LRRTM4: variants seen among roughly 807,000 people sequenced by gnomAD.
LRRTM4 encodes the protein leucine-rich repeat transmembrane neuronal protein 4.
LRRTM4 carries 25 observed loss-of-function variants against 47.6 expected under a neutral mutation model. The ratio of observed to expected loss-of-function variants is 0.53; its 90% CI spans 0.38 to 0.73. The LOEUF is 0.73. Ranked by LOEUF, LRRTM4 falls within the 30% of genes least tolerant of loss-of-function variation. The pLI is 0.00. For synonymous variants in LRRTM4, 311 were observed against 269.5 expected (o/e 1.15, Z -1.51); for missense variants, 638 against 713.4 (o/e 0.89, Z 1.20).
At chr2:77,317,204 T>A (rs183208733) in intron 3 of LRRTM4, among the ~76,000 whole-genome samples, 30 of 152,228 alleles carry the variant, frequency 2.0e-4, no homozygotes, top group Non-Finnish European at 2.4e-4. Flanking sequence ...GAAGTTAGGG[T>A]TCTAAAATAA....
chr2:77,280,307 C>G (rs900844936), intron 3 of LRRTM4, among the ~76,000 whole-genome samples: 1 of 151,938 alleles, frequency 6.6e-6, no homozygotes, highest in African/African-American at 2.4e-5. Context: ...TTACTCACAA[C>G]TTGATTTTAG....
At chr2:76,864,386 G>A (rs889986255) in intron 3 of LRRTM4, among the ~76,000 whole-genome samples, 2 of 152,148 alleles carry the variant, frequency 1.3e-5, no homozygotes, top group Non-Finnish European at 1.5e-5. Flanking sequence ...GGCTGGGCGT[G>A]GTGGCTCATG....
intron 3 of LRRTM4, among the ~76,000 whole-genome samples, chr2:77,062,802 T>C (rs1036725251): frequency 6.6e-6 from 1 of 152,192 alleles, no homozygotes; most frequent in Non-Finnish European, 1.5e-5. Context: ...TGTTCTGTGA[T>C]GTTGGCACAA....
intron 3 of LRRTM4, among the ~76,000 whole-genome samples, chr2:76,842,169 A>C (rs1671703384): frequency 6.6e-6 from 1 of 152,156 alleles, no homozygotes. Context: ...AAAAGGTTGA[A>C]TTAACTCTGC....
chr2:77,394,878 C>T (rs73941266), intron 3 of LRRTM4, among the ~76,000 whole-genome samples: 4,447 of 151,944 alleles, frequency 0.029, 223 homozygotes, highest in African/African-American at 0.1. Context: ...GAGTGAAATC[C>T]GTCTCTTGTC....
chr2:77,478,628 A>G (rs1305129110), intron 3 of LRRTM4, among the ~76,000 whole-genome samples: 1 of 152,184 alleles, frequency 6.6e-6, no homozygotes. Context: ...ATGCACTGGT[A>G]TACACACACT....
At chr2:77,037,731 GTTGT>G (rs766762792) in intron 3 of LRRTM4, among the ~76,000 whole-genome samples, 70 of 150,772 alleles carry the variant, frequency 4.6e-4, no homozygotes, top group African/African-American at 1.1e-3. Context: ...TATTTGTTTG[GTTGT>G]TTGTTTGCTT....
At chr2:77,316,719 G>T (rs1677629720) in intron 3 of LRRTM4, among the ~76,000 whole-genome samples, 1 of 151,796 alleles carries the variant, frequency 6.6e-6, no homozygotes, top group Non-Finnish European at 1.5e-5. Flanking sequence ...ACATTTTTTG[G>T]ATATTTTGTA....
chr2:76,895,458 C>G (rs1420738815), intron 3 of LRRTM4, among the ~76,000 whole-genome samples: 6 of 152,062 alleles, frequency 3.9e-5, no homozygotes, highest in Admixed American at 3.9e-4. Flanking sequence ...TATGATACAT[C>G]AAGCTAAAAT....
chr2:76,959,241 T>C (rs1354392883), intron 3 of LRRTM4, among the ~76,000 whole-genome samples: 3 of 151,738 alleles, frequency 2.0e-5, no homozygotes, highest in Non-Finnish European at 2.9e-5. Context: ...AACTATATTA[T>C]GTTTTCATCA....
At chr2:76,830,783 A>G (rs543452607) in intron 3 of LRRTM4, among the ~76,000 whole-genome samples, 5 of 152,218 alleles carry the variant, frequency 3.3e-5, no homozygotes, top group East Asian at 3.9e-4. Flanking sequence ...AAAAATTTCT[A>G]TATTAAACAA....
chr2:77,467,940 T>C (rs1677042224), intron 3 of LRRTM4, among the ~76,000 whole-genome samples: 1 of 152,188 alleles, frequency 6.6e-6, no homozygotes, highest in Non-Finnish European at 1.5e-5. Context: ...TGTTTACTTT[T>C]GAGTTACAAA....
chr2:77,355,978 A>G (rs1671951789), intron 3 of LRRTM4, among the ~76,000 whole-genome samples: 1 of 152,152 alleles, frequency 6.6e-6, no homozygotes, highest in African/African-American at 2.4e-5. Context: ...CTGTAGTCCC[A>G]GCTACTTGGG....
In LRRTM4 at chr2:76,880,099, G is replaced by A. The variant is rs1351235763; in HGVS notation, c.1552-131183C>T. On this transcript the variant is annotated intron_variant, in intron 3 of 3. Transcript: ENST00000409884. ...GTTATAATTATTGAAATGACACAAA[G>A]GACATGGAATATCACATGAATTTTG... 3.3e-5 allele frequency among the ~76,000 whole-genome samples: 5 copies of A among 152,158 alleles called. No homozygotes were observed. In the East Asian group the frequency reaches 7.7e-4, roughly 23 times the overall value.
chr2:77,063,238 G>T (rs751202968), intron 3 of LRRTM4, among the ~76,000 whole-genome samples: 11 of 152,118 alleles, frequency 7.2e-5, no homozygotes, highest in Admixed American at 2.0e-4. Flanking sequence ...GATTATAGGC[G>T]TGAGCCACTG....
intron 3 of LRRTM4, among the ~76,000 whole-genome samples, chr2:77,167,317 G>A (rs770516736): frequency 5.9e-5 from 9 of 152,156 alleles, no homozygotes; most frequent in East Asian, 3.9e-4. Context: ...TGCTGGAGAC[G>A]ATATGGAGAA....
At chr2:77,045,739 C>G (rs977933321) in intron 3 of LRRTM4, among the ~76,000 whole-genome samples, 35 of 151,958 alleles carry the variant, frequency 2.3e-4, no homozygotes, top group Admixed American at 1.3e-3. Flanking sequence ...CCACATGGAA[C>G]TGTAAGTCCA....
intron 3 of LRRTM4, among the ~76,000 whole-genome samples, chr2:76,924,984 C>G (rs1240450392): frequency 2.0e-5 from 3 of 152,078 alleles, no homozygotes; most frequent in African/African-American, 7.2e-5. Context: ...GTCTTATCCC[C>G]TGTTCTTGGG....
intron 3 of LRRTM4, among the ~76,000 whole-genome samples, chr2:77,331,749 T>C (rs1046768391): frequency 6.6e-6 from 1 of 152,170 alleles, no homozygotes; most frequent in Admixed American, 6.5e-5. Flanking sequence ...TTGCATCTCA[T>C]GATTACTTCT....
Sources: allele counts gnomAD v4.1 joint callset (sites outside exome capture counted in the v4.1 genomes callset), GRCh38; gene constraint gnomAD v4.1.1; transcripts MANE v1.5; gene names NCBI Gene and HGNC (gene_info 2026-07-23, HGNC 2026-07-21).